LONP1: variants seen among roughly 807,000 people sequenced by gnomAD.
LONP1 encodes the protein lon protease homolog, mitochondrial.
In LONP1, 31 loss-of-function variants were observed where a neutral mutation model predicts 98.5. The ratio of observed to expected loss-of-function variants is 0.31; its 90% CI spans 0.24 to 0.42. The LOEUF (loss-of-function observed/expected upper bound fraction) is 0.42. Ranked by LOEUF, LONP1 falls within the 20% of genes least tolerant of loss-of-function variation. The pLI, the probability that LONP1 is intolerant of heterozygous loss-of-function variation, is 1.00. For synonymous variants in LONP1, 781 were observed against 594.7 expected (o/e 1.31, Z -4.56); for missense variants, 1,336 against 1,350.6 (o/e 0.99, Z 0.17).
chr19:5,703,242 A>T (rs906253112), intron 8 of LONP1, among the ~76,000 whole-genome samples: 1 of 151,668 alleles, frequency 6.6e-6, no homozygotes, highest in African/African-American at 2.4e-5. Context: ...TGCAGGAAGG[A>T]GGAGATGGCC....
chr19:5,719,100 C>T (rs1356793228), intron 1 of LONP1, among the ~76,000 whole-genome samples: 2 of 152,162 alleles, frequency 1.3e-5, no homozygotes. Context: ...AGGGTCTCGC[C>T]ATGTTGACCA....
chr19:5,695,230 C>T (rs529592704), intron 13 of LONP1, among the ~76,000 whole-genome samples: 9 of 152,262 alleles, frequency 5.9e-5, no homozygotes, highest in African/African-American at 1.2e-4. Context: ...TGACTGGTTA[C>T]GTGGCTGCTG....
In LONP1 at chr19:5,692,044, G is replaced by T. The variant is rs775074338; in HGVS notation, c.2868C>A (p.Ala956=). The T allele has an allele frequency of 2.0e-6, 3 of 1,517,916 alleles. No individual in the cohort carries two copies. Among genetic ancestry groups the T allele is most frequent in the Non-Finnish European group, 2.7e-6 (3 of 1,114,670 alleles). The allele number at this position is 1,517,916 out of a possible 1,614,324, so 94.0% of individuals were successfully genotyped here. A position where few individuals can be genotyped will look rare whatever the true frequency, so the allele number is the denominator to read the frequency against. The change falls in exon 18 of 18, where the codon GCC becomes GCA. Residue 956 remains alanine (A), a synonymous_variant. Coordinates refer to ENST00000360614, the MANE Select transcript of LONP1 (RefSeq NM_004793.4). The part of the protein sequence containing the change: ...AFPDEQAEAL[A]VER ...CCCGGGGTGGCCGTCACCGTTCCAC[G>T]GCCAGCGCCTCTGCCTGCTCGTCCG...
intron 8 of LONP1, among the ~76,000 whole-genome samples, chr19:5,702,117 A>C (rs1387008828): frequency 6.8e-6 from 1 of 146,576 alleles, no homozygotes. Flanking sequence ...CCCGTCCGGG[A>C]GGTGAGGGGC....
At chr19:5,695,820 C>T (rs1057071433) in intron 13 of LONP1, among the ~76,000 whole-genome samples, 11 of 152,194 alleles carry the variant, frequency 7.2e-5, no homozygotes, top group Admixed American at 1.3e-4. Flanking sequence ...TGTGGCCTGA[C>T]GGTGGTGGGC....
At chr19:5,694,354 G>A (rs1175757638) in intron 15 of LONP1, 33 bp downstream of exon 15, 1 of 1,604,466 alleles carries the variant, frequency 6.2e-7, no homozygotes, top group South Asian at 1.1e-5. Context: ...AAATGGGAAT[G>A]GCTTTGGGGT....
chr19:5,694,323 G>T, intron 15 of LONP1, 64 bp downstream of exon 15: 1 of 1,591,822 alleles, frequency 6.3e-7, no homozygotes. Flanking sequence ...TACAAGGTGG[G>T]ACCTGCTTGT....
chr19:5,717,204 A>G (rs1014753348), intron 1 of LONP1, among the ~76,000 whole-genome samples: 2 of 152,236 alleles, frequency 1.3e-5, no homozygotes, highest in Non-Finnish European at 2.9e-5. Context: ...TGCTAATAGG[A>G]GAGAAGCTTC....
At chr19:5,697,379 G>A (rs2054953670) in intron 10 of LONP1, among the ~76,000 whole-genome samples, 2 of 151,700 alleles carry the variant, frequency 1.3e-5, no homozygotes, top group South Asian at 4.2e-4. Context: ...TGAGGAGAGA[G>A]CCACGTGAGG....
In LONP1 at chr19:5,693,828, T is replaced by G. The variant is rs926991118; in HGVS notation, c.2321-59A>C. The G allele has an allele frequency of 4.1e-6, 6 of 1,455,746 alleles. No homozygotes were observed. The Admixed American group carries it at 7.3e-5, about 18-fold the overall frequency. 90.2% of individuals were successfully genotyped at this position (1,455,746 alleles called of 1,614,324 possible). A position where few individuals can be genotyped will look rare whatever the true frequency, so the allele number is the denominator to read the frequency against. ...CCTCGGAGCCCAGGCCGGTGCTCAC[T>G]CCACCCCTCGGGGCCACTCTGACCG... On this transcript the variant is annotated intron_variant, in intron 15 of 17. Transcript: ENST00000360614.
intron 15 of LONP1, 29 bp from the exon 16 acceptor site, chr19:5,693,798 G>A (rs751603229): frequency 1.9e-6 from 3 of 1,589,548 alleles, no homozygotes; most frequent in African/African-American, 2.7e-5. Context: ...TGTGAACACG[G>A]GAGGCCTCGG....
chr19:5,710,693 T>C (rs1043147181), intron 4 of LONP1, among the ~76,000 whole-genome samples: 1 of 152,054 alleles, frequency 6.6e-6, no homozygotes, highest in African/African-American at 2.4e-5. Context: ...AATGTTCCAT[T>C]CTGTTCCTTG....
intron 5 of LONP1, 168 bp from the exon 6 acceptor site, chr19:5,707,994 G>A: frequency 1.3e-6 from 1 of 773,060 alleles, no homozygotes. Flanking sequence ...AGAGTTCAGG[G>A]CCCACCCGTC....
rs756478857 is a variant in LONP1 at position 5,714,167 on chromosome 19, G to GA, written c.518+15dup. The stretch of plus-strand genomic sequence containing the variant: ...GGGCACCGTCAACAAGGGAATGAAG[G>GA]AAAAATCACACTTACCTGTCATCTC... On this transcript the variant is annotated intron_variant, in intron 2 of 17. Coordinates refer to ENST00000360614, the MANE Select transcript of LONP1 (RefSeq NM_004793.4). 8.1e-6 allele frequency: 13 copies of GA among 1,606,060 alleles called. No homozygotes were observed. Among genetic ancestry groups the GA allele is most frequent in the East Asian group, 6.7e-5 (3 of 44,838 alleles).
chr19:5,692,280 G>A lies in LONP1; in HGVS notation c.2704-72C>T, dbSNP rs531086441. Reference sequence around the variant, plus strand: ...AGCAGGTGTGCTAACCTCCAGGAACGAAAGGGCTTCCTGGGGACCGGCGAT... The same window carrying A: ...AGCAGGTGTGCTAACCTCCAGGAACAAAAGGGCTTCCTGGGGACCGGCGAT... On this transcript the variant is annotated intron_variant, in intron 17 of 17. Coordinates refer to ENST00000360614, the MANE Select transcript of LONP1 (RefSeq NM_004793.4). The A allele has an allele frequency of 1.5e-4, 219 of 1,453,560 alleles. 1 individual carries two copies. In the African/African-American group the frequency reaches 2.8e-3, roughly 19 times the overall value. 90.0% of individuals were successfully genotyped at this position (1,453,560 alleles called of 1,614,324 possible).
intron 7 of LONP1, 63 bp downstream of exon 7, chr19:5,706,997 C>T (rs1239571512): frequency 3.6e-6 from 5 of 1,384,466 alleles, no homozygotes; most frequent in Non-Finnish European, 5.0e-6. Flanking sequence ...CAGAGCCTGA[C>T]TGATGTCACG....
intron 17 of LONP1, among the ~76,000 whole-genome samples, chr19:5,693,030 T>C (rs957151621): frequency 6.6e-6 from 1 of 152,120 alleles, no homozygotes; most frequent in African/African-American, 2.4e-5. Flanking sequence ...CCCTTGGCGC[T>C]GGGCTGCCTG....
chr19:5,709,225 A>G (rs1474711726), intron 4 of LONP1, among the ~76,000 whole-genome samples: 1 of 151,722 alleles, frequency 6.6e-6, no homozygotes, highest in Non-Finnish European at 1.5e-5. Context: ...GCGGTGGCTC[A>G]CACCTGTAAC....
At chr19:5,697,948 G>A (rs757747991) in intron 10 of LONP1, among the ~76,000 whole-genome samples, 2 of 151,752 alleles carry the variant, frequency 1.3e-5, no homozygotes, top group Non-Finnish European at 2.9e-5. Context: ...ACTTCAAACC[G>A]CTTGCCCAGG....
Sources: gnomAD v4.1 joint callset for allele counts (sites outside exome capture counted in the v4.1 genomes callset) on GRCh38, gnomAD v4.1.1 for gene constraint, MANE v1.5 for transcripts, NCBI Gene and HGNC (gene_info 2026-07-23, HGNC 2026-07-21) for gene names.